RNF38: variants seen among roughly 807,000 people sequenced by gnomAD.
RNF38 encodes E3 ubiquitin-protein ligase RNF38.
RNF38 carries 15 observed loss-of-function variants against 67.2 expected under a neutral mutation model. The observed-to-expected ratio is 0.22, with a 90% CI of 0.15 to 0.34. The LOEUF is 0.34. Ranked by LOEUF, RNF38 falls within the 10% of genes least tolerant of loss-of-function variation. The pLI, the probability that RNF38 is intolerant of heterozygous loss-of-function variation, is 1.00. For synonymous variants in RNF38, 220 were observed against 218.8 expected (o/e 1.01, Z -0.05); for missense variants, 524 against 639.9 (o/e 0.82, Z 1.95).
At chr9:36,434,179 T>C (rs1448976074) in intron 1 of RNF38, among the ~76,000 whole-genome samples, 1 of 142,810 alleles carries the variant, frequency 7.0e-6, no homozygotes, top group Non-Finnish European at 1.5e-5. Context: ...GAGATTACAG[T>C]GAGCTGAGAT....
intron 1 of RNF38, among the ~76,000 whole-genome samples, chr9:36,428,473 A>G (rs576760811): frequency 6.6e-6 from 1 of 151,742 alleles, no homozygotes; most frequent in African/African-American, 2.4e-5. Flanking sequence ...ATATATATAT[A>G]TACACGTATA....
At chr9:36,484,370 G>C (rs1307422656) in intron 1 of RNF38, among the ~76,000 whole-genome samples, 3 of 152,196 alleles carry the variant, frequency 2.0e-5, no homozygotes, top group Non-Finnish European at 4.4e-5. Flanking sequence ...ATGTCTAACA[G>C]GCTGCGCTAG....
At chr9:36,383,428 G>T (rs1314782680) in intron 2 of RNF38, among the ~76,000 whole-genome samples, 1 of 152,128 alleles carries the variant, frequency 6.6e-6, no homozygotes, top group Non-Finnish European at 1.5e-5. Context: ...TTGACCTCAT[G>T]ATCCGCCCAC....
Position 36,339,386 on chromosome 9 carries a change from T to G in RNF38, c.*366A>C. 4.3e-6 allele frequency: 1 copy of G among 234,362 alleles called. No homozygotes were observed. Among genetic ancestry groups the G allele is most frequent in the Non-Finnish European group, 8.6e-6 (1 of 115,970 alleles). 14.5% of individuals were successfully genotyped at this position (234,362 alleles called of 1,614,324 possible). A position where few individuals can be genotyped will look rare whatever the true frequency, so the allele number is the denominator to read the frequency against. On this transcript the variant is annotated 3_prime_UTR_variant, in exon 12 of 12. Transcript: ENST00000259605. ...CAGTTTCTGAAGGCTCTATATAAGG[T>G]AGATTGCTATATCATCTGTAGCTAC...
chr9:36,485,304 G>GTATATATATATATA (rs1156313770), intron 1 of RNF38, among the ~76,000 whole-genome samples: 2 of 150,276 alleles, frequency 1.3e-5, no homozygotes, highest in African/African-American at 5.0e-5. Context: ...ATCTCTTAGG[G>GTATATATATATATA]TATATATACA....
At chr9:36,391,447 G>T (rs1250045783) in intron 1 of RNF38, among the ~76,000 whole-genome samples, 1 of 151,270 alleles carries the variant, frequency 6.6e-6, no homozygotes, top group Non-Finnish European at 1.5e-5. Flanking sequence ...AATTCTTCTT[G>T]GGGGGTTAAG....
intron 1 of RNF38, among the ~76,000 whole-genome samples, chr9:36,465,416 G>A (rs562149965): frequency 3.8e-4 from 58 of 151,964 alleles, no homozygotes; most frequent in African/African-American, 1.1e-3. Context: ...GCACAATCTC[G>A]GCTCACTGCA....
At chr9:36,343,422 C>A (rs1490939588) in intron 10 of RNF38, among the ~76,000 whole-genome samples, 1 of 151,834 alleles carries the variant, frequency 6.6e-6, no homozygotes, top group Non-Finnish European at 1.5e-5. Flanking sequence ...CAAAGACAAA[C>A]CAATTTATGG....
intron 1 of RNF38, among the ~76,000 whole-genome samples, chr9:36,435,186 G>A (rs1839034794): frequency 1.3e-5 from 2 of 152,116 alleles, no homozygotes; most frequent in African/African-American, 2.4e-5. Context: ...AAGCAGGACA[G>A]GCATCAAAGA....
intron 1 of RNF38, among the ~76,000 whole-genome samples, chr9:36,439,402 CAA>C (rs768925987): frequency 2.0e-5 from 3 of 151,954 alleles, no homozygotes; most frequent in Non-Finnish European, 4.4e-5. Flanking sequence ...TCCTTACCTT[CAA>C]AGAGGTGTGA....
intron 6 of RNF38, 106 bp downstream of exon 6, chr9:36,356,197 T>A: frequency 9.2e-7 from 1 of 1,086,622 alleles, no homozygotes; most frequent in Non-Finnish European, 1.3e-6. Flanking sequence ...TAGGCATTCG[T>A]CTGGTTCTTA....
intron 1 of RNF38, among the ~76,000 whole-genome samples, chr9:36,459,823 T>C (rs1008773252): frequency 3.9e-5 from 6 of 152,046 alleles, no homozygotes; most frequent in African/African-American, 4.8e-5. Context: ...TTTAACTGAT[T>C]TTAGTGTTTT....
chr9:36,393,145 A>T (rs937559147), intron 1 of RNF38, among the ~76,000 whole-genome samples: 5 of 152,182 alleles, frequency 3.3e-5, no homozygotes, highest in Admixed American at 2.0e-4. Flanking sequence ...GCAGTCTTAC[A>T]AAATTGCTAG....
At chr9:36,420,531 C>CAAAAAAAAAAAAA (rs1447823341) in intron 2 of RNF38, among the ~76,000 whole-genome samples, 4 of 29,010 alleles carry the variant, frequency 1.4e-4, no homozygotes, top group Non-Finnish European at 3.3e-4. Flanking sequence ...GACTCTGTCT[C>CAAAAAAAAAAAAA]CAAAAAAAAA....
intron 1 of RNF38, among the ~76,000 whole-genome samples, chr9:36,481,929 G>A (rs890761820): frequency 6.6e-6 from 1 of 152,074 alleles, no homozygotes; most frequent in Non-Finnish European, 1.5e-5. Flanking sequence ...AGTGCAGGGG[G>A]AAATAGGAAG....
At chr9:36,364,994 T>C (rs1449738313) in intron 4 of RNF38, among the ~76,000 whole-genome samples, 1 of 152,240 alleles carries the variant, frequency 6.6e-6, no homozygotes. Flanking sequence ...CCATGGTCTC[T>C]GCACAAAGTA....
intron 1 of RNF38, 143 bp downstream of exon 1, chr9:36,399,954 G>T: frequency 2.7e-6 from 2 of 729,352 alleles, no homozygotes; most frequent in Non-Finnish European, 2.2e-6. Context: ...TAAGTCCACC[G>T]CTTAAGAAAA....
At chr9:36,372,174 C>A (rs995614950) in intron 3 of RNF38, among the ~76,000 whole-genome samples, 1 of 152,140 alleles carries the variant, frequency 6.6e-6, no homozygotes, top group African/African-American at 2.4e-5. Context: ...TGTGATCCGC[C>A]CACCTCAGCC....
intron 2 of RNF38, 86 bp from the exon 3 acceptor site, chr9:36,376,213 T>A: frequency 1.0e-6 from 1 of 996,994 alleles, no homozygotes; most frequent in Non-Finnish European, 1.4e-6. Context: ...AGGATGTACT[T>A]AACCTAAAAT....
Sources: allele counts gnomAD v4.1 joint callset (sites outside exome capture counted in the v4.1 genomes callset), GRCh38; gene constraint gnomAD v4.1.1; transcripts MANE v1.5; gene names NCBI Gene and HGNC (gene_info 2026-07-23, HGNC 2026-07-21).